The following SEL1L3 variants were observed in gnomAD, a reference collection of about 807,000 sequenced individuals.
SEL1L3 encodes protein sel-1 homolog 3.
A neutral mutation model predicts 142.8 loss-of-function variants in SEL1L3; 76 were observed. That is an observed-to-expected ratio of 0.53 (90% CI 0.44 to 0.64). The LOEUF (loss-of-function observed/expected upper bound fraction) is 0.64. SEL1L3 is among the 30% of genes least tolerant of loss of function. The pLI is 0.00. For synonymous variants in SEL1L3, 504 were observed against 519.6 expected (o/e 0.97, Z 0.41); for missense variants, 1,262 against 1,381.7 (o/e 0.91, Z 1.37).
intron 13 of SEL1L3, among the ~76,000 whole-genome samples, chr4:25,787,375 C>G (rs1245039234): frequency 6.6e-6 from 1 of 152,132 alleles, no homozygotes; most frequent in Non-Finnish European, 1.5e-5. Context: ...GGCTGGAGTG[C>G]AGTGGCACGA....
chr4:25,789,217 T>G (rs867390499), intron 12 of SEL1L3, among the ~76,000 whole-genome samples: 1 of 152,094 alleles, frequency 6.6e-6, no homozygotes, highest in Admixed American at 6.6e-5. Flanking sequence ...TCCTCCCCAA[T>G]ACTTATAACT....
At chr4:25,797,839 T>C (rs758784165) in intron 11 of SEL1L3, among the ~76,000 whole-genome samples, 1 of 152,162 alleles carries the variant, frequency 6.6e-6, no homozygotes, top group Non-Finnish European at 1.5e-5. Flanking sequence ...CATAGTCTAC[T>C]GGGGAGCCAG....
chr4:25,806,561 G>T (rs1451162449), intron 9 of SEL1L3, among the ~76,000 whole-genome samples: 1 of 152,120 alleles, frequency 6.6e-6, no homozygotes, highest in Non-Finnish European at 1.5e-5. Flanking sequence ...GCGGGAACTG[G>T]TGCCTGGGGG....
intron 11 of SEL1L3, among the ~76,000 whole-genome samples, chr4:25,792,179 G>C (rs34866451): frequency 3.3e-5 from 5 of 152,132 alleles, no homozygotes; most frequent in African/African-American, 1.2e-4. Flanking sequence ...CTCAGTGTTT[G>C]AGATACGTGG....
rs2286866 is a variant in SEL1L3 at position 25,757,712 on chromosome 4, C to G, written c.3162G>C (p.Trp1054Cys). The G allele has an allele frequency of 2.5e-3, 4,011 of 1,596,134 alleles. 102 individuals are homozygous for G. In the East Asian group the frequency reaches 0.065, roughly 26 times the overall value. Residue 1054 changes from tryptophan (W) to cysteine (C), a missense_variant, in exon 22 of 24, where the codon TGG becomes TGC. Transcript: ENST00000399878. ...CCAGGGCTGAGTGCAGGATAGCACC[C>G]CAGAGAAGCCGCAAGTGCAGGTAAA... ...AWLYLHLRLLWGAILHSALIY... is the reference protein window; with the variant it reads ...AWLYLHLRLLCGAILHSALIY...
chr4:25,745,172 A>G (rs1717222490), downstream of SEL1L3, among the ~76,000 whole-genome samples: 1 of 152,140 alleles, frequency 6.6e-6, no homozygotes, highest in South Asian at 2.1e-4. Flanking sequence ...TGGTGGATGG[A>G]TCACTTGAGG....
intron 11 of SEL1L3, among the ~76,000 whole-genome samples, chr4:25,800,228 C>T (rs771858840): frequency 1.2e-4 from 18 of 152,150 alleles, no homozygotes; most frequent in East Asian, 5.8e-4. Context: ...TACTACATTA[C>T]GCTGGTGAAT....
At chr4:25,777,627 A>C in intron 16 of SEL1L3, 1 of 339,144 alleles carries the variant, frequency 2.9e-6, no homozygotes, top group South Asian at 2.4e-5. Context: ...AAGGATTGGA[A>C]TCATTCAGAA....
chr4:25,795,519 T>C (rs974244532), intron 11 of SEL1L3, among the ~76,000 whole-genome samples: 2 of 152,210 alleles, frequency 1.3e-5, no homozygotes, highest in African/African-American at 2.4e-5. Context: ...TGCTTGGCTG[T>C]ACTGGATTGA....
chr4:25,858,190 CT>C (rs554565426), intron 1 of SEL1L3, among the ~76,000 whole-genome samples: 222 of 152,362 alleles, frequency 1.5e-3, no homozygotes, highest in African/African-American at 4.9e-3. Context: ...AGCTCTGACG[CT>C]TTTGCCAACA....
At chr4:25,742,120 C>G in the SEL1L3 span, among the ~76,000 whole-genome samples, 17 of 151,254 alleles carry the variant, frequency 1.1e-4, no homozygotes, top group East Asian at 2.0e-3. Context: ...CCAAATCTTA[C>G]GTTTTCTATT....
At position 25,748,385 on chromosome 4, in the gene SEL1L3, A is replaced by G; in HGVS notation, c.*40T>C. 2.6e-6 allele frequency: 4 copies of G among 1,568,342 alleles called. No individual in the cohort carries two copies. The highest frequency in any genetic ancestry group is 3.5e-6 in the Non-Finnish European group (4 of 1,154,232). ...CCAGCTTCCCAATACCAGCTGTTGAAAAGATTCTCTCTCATCTGGAGAGAA... is the reference window on the plus strand; with the variant it reads ...CCAGCTTCCCAATACCAGCTGTTGAGAAGATTCTCTCTCATCTGGAGAGAA... On this transcript the variant is annotated 3_prime_UTR_variant, in exon 24 of 24. Coordinates refer to ENST00000399878, the MANE Select transcript of SEL1L3 (RefSeq NM_015187.5).
In SEL1L3 at chr4:25,854,599, G is replaced by C. The variant is rs149751556; in HGVS notation, c.163-6735C>G. 2.4e-4 allele frequency among the ~76,000 whole-genome samples: 37 copies of C among 152,278 alleles called. No homozygotes were observed. The East Asian group carries it at 6.2e-3, about 25-fold the overall frequency. On this transcript the variant is annotated intron_variant, in intron 1 of 23. Coordinates refer to ENST00000399878, the MANE Select transcript of SEL1L3 (RefSeq NM_015187.5). ...GGCCAATTATCAAGCTATTATCCCA[G>C]ATAGAGTTTTGAAGAACAAAAGGTG...
intron 2 of SEL1L3, among the ~76,000 whole-genome samples, chr4:25,836,380 C>T (rs1174673665): frequency 6.6e-6 from 1 of 152,140 alleles, no homozygotes; most frequent in Non-Finnish European, 1.5e-5. Context: ...GGCGTGGTGG[C>T]TCACACCTGT....
intron 17 of SEL1L3, chr4:25,773,678 A>G (rs1296821310): frequency 1.3e-5 from 2 of 152,216 alleles, no homozygotes; most frequent in Non-Finnish European, 2.9e-5. Flanking sequence ...ATTAAATAAA[A>G]AACTATTGAT....
At chr4:25,762,106 G>A (rs1037609293) in intron 20 of SEL1L3, among the ~76,000 whole-genome samples, 14 of 152,152 alleles carry the variant, frequency 9.2e-5, no homozygotes, top group African/African-American at 2.7e-4. Context: ...GCACCACCAC[G>A]CCCAGCTAAT....
chr4:25,775,504 T>C (rs1719549857), intron 17 of SEL1L3, among the ~76,000 whole-genome samples: 1 of 152,182 alleles, frequency 6.6e-6, no homozygotes, highest in Non-Finnish European at 1.5e-5. Flanking sequence ...TTTTAGTTAT[T>C]ACTGAAATAT....
At chr4:25,764,258 T>C (rs1020062009) in intron 20 of SEL1L3, among the ~76,000 whole-genome samples, 1 of 152,110 alleles carries the variant, frequency 6.6e-6, no homozygotes, top group Non-Finnish European at 1.5e-5. Flanking sequence ...TTGGAGAAGA[T>C]TGGAAAGAAA....
In SEL1L3 at chr4:25,765,450, G is replaced by T; in HGVS notation, c.2846-15C>A. ...CTTCAAATATGCTGCAGGAAATAAA[G>T]CACAGATCCATTTGTCAAGTGGTTT... On this transcript the variant is annotated splice_polypyrimidine_tract_variant and intron_variant, in intron 19 of 23. Transcript: ENST00000399878. 2.6e-6 allele frequency: 4 copies of T among 1,528,966 alleles called. No homozygotes were observed. Among genetic ancestry groups the T allele is most frequent in the Non-Finnish European group, 3.6e-6 (4 of 1,103,564 alleles). 94.7% of individuals were successfully genotyped at this position (1,528,966 alleles called of 1,614,324 possible). A position where few individuals can be genotyped will look rare whatever the true frequency, so the allele number is the denominator to read the frequency against.
Sources: gnomAD v4.1 joint callset for allele counts (sites outside exome capture counted in the v4.1 genomes callset) on GRCh38, gnomAD v4.1.1 for gene constraint, MANE v1.5 for transcripts, NCBI Gene and HGNC (gene_info 2026-07-23, HGNC 2026-07-21) for gene names.